ZNF407: variants seen among roughly 807,000 people sequenced by gnomAD.
The protein encoded by ZNF407 is zinc finger protein 407.
A neutral mutation model predicts 131.2 loss-of-function variants in ZNF407; 17 were observed. That is an observed-to-expected ratio of 0.13 (90% CI 0.09 to 0.19). ZNF407 has a LOEUF of 0.19. ZNF407 is among the 10% of genes least tolerant of loss of function. The probability of loss-of-function intolerance (pLI) is 1.00; values close to 1 mark genes in which losing one functional copy is unlikely to be tolerated. For synonymous variants in ZNF407, 1,156 were observed against 1,062.0 expected (o/e 1.09, Z -1.72); for missense variants, 2,681 against 2,830.6 (o/e 0.95, Z 1.20).
At chr18:74,781,175 A>G (rs1286546640) in intron 3 of ZNF407, among the ~76,000 whole-genome samples, 1 of 152,188 alleles carries the variant, frequency 6.6e-6, no homozygotes, top group East Asian at 1.9e-4. Context: ...TTGAAGAACT[A>G]CAATCATTGT....
At chr18:74,695,784 C>A (rs924322725) in intron 3 of ZNF407, among the ~76,000 whole-genome samples, 1 of 152,036 alleles carries the variant, frequency 6.6e-6, no homozygotes, top group Non-Finnish European at 1.5e-5. Flanking sequence ...ATCTGTTCTC[C>A]GTTTGTGATT....
chr18:74,963,872 C>A (rs1223502327), intron 8 of ZNF407, among the ~76,000 whole-genome samples: 1 of 152,124 alleles, frequency 6.6e-6, no homozygotes, highest in Admixed American at 6.5e-5. Flanking sequence ...AAATTCTATG[C>A]CTGTAAACAT....
rs979640354 is a variant in ZNF407 at position 75,007,270 on chromosome 18, G to A, written c.5429-55880G>A. Among the ~76,000 whole-genome samples the A allele has an allele frequency of 5.3e-5, 8 of 151,126 alleles. No individual in the cohort carries two copies. The East Asian group carries it at 1.6e-3, about 29-fold the overall frequency. ...TTTTTCCTGCTTTCTTGTATCCTTTGAGACTAAGGTTTTTTACCTCATTCC... is the reference window on the plus strand; with the variant it reads ...TTTTTCCTGCTTTCTTGTATCCTTTAAGACTAAGGTTTTTTACCTCATTCC... On this transcript the variant is annotated intron_variant, in intron 8 of 8. Transcript: ENST00000299687.
intron 4 of ZNF407, among the ~76,000 whole-genome samples, chr18:74,783,755 A>G (rs1969652786): frequency 6.6e-6 from 1 of 152,202 alleles, no homozygotes; most frequent in South Asian, 2.1e-4. Flanking sequence ...CAAGTGGGAA[A>G]GCACACCCAC....
At chr18:74,678,518 C>G (rs186700299) in intron 3 of ZNF407, among the ~76,000 whole-genome samples, 1 of 152,270 alleles carries the variant, frequency 6.6e-6, no homozygotes, top group African/African-American at 2.4e-5. Context: ...TCTGAAGTGG[C>G]AGAACCCTTA....
At chr18:74,801,655 G>T (rs1247038874) in intron 4 of ZNF407, among the ~76,000 whole-genome samples, 1 of 152,216 alleles carries the variant, frequency 6.6e-6, no homozygotes, top group African/African-American at 2.4e-5. Context: ...GCAGATGCAT[G>T]TCGAGGTCTC....
intron 3 of ZNF407, among the ~76,000 whole-genome samples, chr18:74,725,600 T>C (rs1968138400): frequency 6.6e-6 from 1 of 151,894 alleles, no homozygotes; most frequent in South Asian, 2.1e-4. Context: ...ACCAATAGAG[T>C]CTATTTTTAT....
intron 7 of ZNF407, among the ~76,000 whole-genome samples, chr18:74,913,919 T>C (rs1971709511): frequency 6.6e-6 from 1 of 152,136 alleles, no homozygotes; most frequent in East Asian, 1.9e-4. Flanking sequence ...GAATAAGAAA[T>C]TTCTTTTATT....
At chr18:74,666,581 A>G (rs188877121) in intron 3 of ZNF407, among the ~76,000 whole-genome samples, 206 of 152,266 alleles carry the variant, frequency 1.4e-3, no homozygotes, top group African/African-American at 4.8e-3. Context: ...CAGAATAGGC[A>G]CACAGGAAGT....
intron 4 of ZNF407, among the ~76,000 whole-genome samples, chr18:74,810,274 TAAGG>T (rs1970175272): frequency 6.6e-6 from 1 of 152,022 alleles, no homozygotes. Context: ...GGCAAGTTGT[TAAGG>T]AAGGCAGTTT....
intron 8 of ZNF407, among the ~76,000 whole-genome samples, chr18:74,980,853 T>C (rs1433927844): frequency 6.6e-6 from 1 of 152,142 alleles, no homozygotes; most frequent in Non-Finnish European, 1.5e-5. Flanking sequence ...CATCACCGGC[T>C]CCGCTGCGGC....
rs34750560 is a variant in ZNF407 at position 74,755,885 on chromosome 18, C to CTTTTTTTTTTTTTTTTTTTTTTTTTTT, written c.4803-25517_4803-25516insTTTTTTTTTTTTTTTTTTTTTTTTTTT. On this transcript the variant is annotated intron_variant, in intron 3 of 8. Transcript: ENST00000299687. ...CCTTCCTTCCTTCCTCTTTTCCTTC[C>CTTTTTTTTTTTTTTTTTTTTTTTTTTT]TTTTTTTTTTTTTTTTTTTTTTTTT... Among the ~76,000 whole-genome samples, 3 of 25,822 alleles carry CTTTTTTTTTTTTTTTTTTTTTTTTTTT rather than the reference C, an allele frequency of 1.2e-4. 1 individual carries two copies. The highest frequency in any genetic ancestry group is 1.8e-4 in the Non-Finnish European group (3 of 16,794). 16.9% of individuals were successfully genotyped at this position (25,822 alleles called of 152,430 possible). A position where few individuals can be genotyped will look rare whatever the true frequency, so the allele number is the denominator to read the frequency against.
intron 3 of ZNF407, among the ~76,000 whole-genome samples, chr18:74,674,796 G>A (rs1257437719): frequency 6.6e-6 from 1 of 152,184 alleles, no homozygotes; most frequent in African/African-American, 2.4e-5. Flanking sequence ...TTCTGCTTAC[G>A]AAGATGGGTG....
chr18:75,002,069 A>C (rs1469630729), intron 8 of ZNF407, among the ~76,000 whole-genome samples: 1 of 152,218 alleles, frequency 6.6e-6, no homozygotes, highest in Non-Finnish European at 1.5e-5. Context: ...GGAGGAAACC[A>C]AGAGAGTGGG....
chr18:74,687,964 A>G (rs1967133604), intron 3 of ZNF407, among the ~76,000 whole-genome samples: 1 of 152,166 alleles, frequency 6.6e-6, no homozygotes, highest in Admixed American at 6.5e-5. Context: ...ATTATTCTGA[A>G]TTAAAAAGAT....
intron 3 of ZNF407, among the ~76,000 whole-genome samples, chr18:74,736,257 T>C (rs1968409371): frequency 6.6e-6 from 1 of 152,296 alleles, no homozygotes; most frequent in East Asian, 1.9e-4. Flanking sequence ...GGTGGGTTTT[T>C]TGAGATAGCA....
chr18:74,617,104 C>CATATCCATACACCACACACATCT (rs1983342034), intron 1 of ZNF407, among the ~76,000 whole-genome samples: 21 of 146,002 alleles, frequency 1.4e-4, no homozygotes, highest in South Asian at 2.2e-4. Context: ...CCAACACATC[C>CATATCCATACACCACACACATCT]ATATCCACAC....
At chr18:74,829,966 G>A (rs1243452775) in intron 4 of ZNF407, among the ~76,000 whole-genome samples, 1 of 152,130 alleles carries the variant, frequency 6.6e-6, no homozygotes, top group Non-Finnish European at 1.5e-5. Flanking sequence ...GGTAAATATA[G>A]TAGGTTCTAT....
At chr18:74,975,034 G>A (rs1004994584) in intron 8 of ZNF407, among the ~76,000 whole-genome samples, 4 of 152,172 alleles carry the variant, frequency 2.6e-5, no homozygotes, top group Non-Finnish European at 4.4e-5. Flanking sequence ...ACATACTTAC[G>A]TCATGCAGGA....
Sources: gnomAD v4.1 joint callset for allele counts (sites outside exome capture counted in the v4.1 genomes callset) on GRCh38, gnomAD v4.1.1 for gene constraint, MANE v1.5 for transcripts, NCBI Gene and HGNC (gene_info 2026-07-23, HGNC 2026-07-21) for gene names.